Variants in PHACTR1 observed in about 807,000 individuals in gnomAD.
The protein encoded by PHACTR1 is phosphatase and actin regulator 1.
Under a neutral mutation model 69.2 loss-of-function variants are expected in PHACTR1, and 16 were observed. The observed-to-expected ratio is 0.23, with a 90% CI of 0.16 to 0.35. PHACTR1 has a LOEUF of 0.35. Ranked by LOEUF, PHACTR1 falls within the 10% of genes least tolerant of loss-of-function variation. The pLI, the probability that PHACTR1 is intolerant of heterozygous loss-of-function variation, is 1.00. For missense variants in PHACTR1, 510 were observed against 734.7 expected (o/e 0.69, Z 3.54); for synonymous variants, 312 against 284.5 (o/e 1.10, Z -0.97).
chr6:13,276,184 C>T (rs1295610636), intron 11 of PHACTR1: 1 of 151,774 alleles, frequency 6.6e-6, no homozygotes, highest in East Asian at 1.9e-4. Flanking sequence ...GGAAAGCACA[C>T]TCATGGTGAC....
At chr6:12,897,164 C>T (rs532254434) in intron 4 of PHACTR1, among the ~76,000 whole-genome samples, 22 of 152,344 alleles carry the variant, frequency 1.4e-4, no homozygotes, top group South Asian at 6.2e-4. Context: ...CCTCACCACC[C>T]TTGGCTTCTG....
At chr6:13,218,833 AGAGGAG>A (rs543705270) in intron 8 of PHACTR1, among the ~76,000 whole-genome samples, 2 of 142,812 alleles carry the variant, frequency 1.4e-5, no homozygotes, top group African/African-American at 5.4e-5. Flanking sequence ...GAGGAGAAAA[AGAGGAG>A]GAGGAGGAGG....
rs1006194292 is a variant in PHACTR1 at position 13,053,537 on chromosome 6, G to T, written c.415+8G>T. On this transcript the variant is annotated splice_region_variant and intron_variant, in intron 5 of 14. Coordinates refer to ENST00000332995, the MANE Select transcript of PHACTR1 (RefSeq NM_030948.6). ...TCAAACACACGTCAGCAGGTAAGAT[G>T]ATTTGTTCTTTCATTTCCCATTTGG... 1.2e-6 allele frequency: 2 copies of T among 1,611,306 alleles called. No individual in the cohort carries two copies. Among genetic ancestry groups the T allele is most frequent in the African/African-American group, 1.3e-5 (1 of 74,906 alleles).
At chr6:13,066,903 G>A (rs990270952) in intron 5 of PHACTR1, among the ~76,000 whole-genome samples, 2 of 152,130 alleles carry the variant, frequency 1.3e-5, no homozygotes, top group Non-Finnish European at 2.9e-5. Flanking sequence ...TAGTATTACA[G>A]TCACATTATT....
chr6:12,902,580 CAG>C (rs2127484292), intron 4 of PHACTR1, among the ~76,000 whole-genome samples: 1 of 152,290 alleles, frequency 6.6e-6, no homozygotes, highest in East Asian at 1.9e-4. Context: ...CATCAACAAA[CAG>C]TGTCCCAGTT....
At chr6:12,749,847 C>A in intron 4 of PHACTR1, 57 bp downstream of exon 4, 1 of 1,436,116 alleles carries the variant, frequency 7.0e-7, no homozygotes, top group Non-Finnish European at 9.2e-7. Context: ...CCCTCCCCGG[C>A]TGTTGAGCCC....
At chr6:13,086,503 C>T (rs1373338212) in intron 5 of PHACTR1, among the ~76,000 whole-genome samples, 1 of 152,090 alleles carries the variant, frequency 6.6e-6, no homozygotes, top group East Asian at 1.9e-4. Context: ...AACTTTTCTT[C>T]ACCCCTAGGC....
intron 4 of PHACTR1, among the ~76,000 whole-genome samples, chr6:12,874,982 T>C (rs1782393143): frequency 6.6e-6 from 1 of 152,246 alleles, no homozygotes. Context: ...AATCATCTGG[T>C]ATTCAAATGT....
chr6:13,019,066 A>ATT (rs369553785), intron 4 of PHACTR1, among the ~76,000 whole-genome samples: 18,841 of 134,270 alleles, frequency 0.14, 1,588 homozygotes, highest in East Asian at 0.27. Context: ...ATATATATAT[A>ATT]TATATATATT....
intron 4 of PHACTR1, among the ~76,000 whole-genome samples, chr6:12,776,595 T>C (rs1206281698): frequency 2.6e-5 from 4 of 152,240 alleles, no homozygotes; most frequent in Admixed American, 6.5e-5. Flanking sequence ...GAATCAGTTC[T>C]AGTACTCCAT....
In PHACTR1 at chr6:13,018,328, T is replaced by C. The variant is rs554800371; in HGVS notation, c.251-35037T>C. Among the ~76,000 whole-genome samples the C allele has an allele frequency of 1.4e-4, 21 of 152,288 alleles. No individual in the cohort carries two copies. The South Asian group carries it at 3.5e-3, about 26-fold the overall frequency. ...CCTTGAAGAGGGAAGCAGTTTTCAA[T>C]TGGGGTTCACAGCTGAATTCTGGAA... On this transcript the variant is annotated intron_variant, in intron 4 of 14. Coordinates refer to ENST00000332995, the MANE Select transcript of PHACTR1 (RefSeq NM_030948.6).
At chr6:12,753,581 G>A (rs1032598837) in intron 4 of PHACTR1, among the ~76,000 whole-genome samples, 4 of 152,170 alleles carry the variant, frequency 2.6e-5, no homozygotes, top group African/African-American at 9.7e-5. Flanking sequence ...TGATATATCA[G>A]AATTGCTTTG....
chr6:12,835,517 C>T (rs530442281), intron 4 of PHACTR1, among the ~76,000 whole-genome samples: 9 of 152,210 alleles, frequency 5.9e-5, no homozygotes, highest in African/African-American at 2.2e-4. Context: ...TGTACATTGT[C>T]ATTCAAAATT....
chr6:12,758,543 A>AC (rs1767642331), intron 4 of PHACTR1, among the ~76,000 whole-genome samples: 1 of 151,610 alleles, frequency 6.6e-6, no homozygotes, highest in South Asian at 2.1e-4. Flanking sequence ...TCTCACAATG[A>AC]CCCCATCAGA....
intron 12 of PHACTR1, chr6:13,279,751 C>G (rs1021454477): frequency 2.0e-5 from 3 of 152,200 alleles, no homozygotes; most frequent in African/African-American, 7.2e-5. Context: ...AAGGTTGGAC[C>G]CTTTACATCC....
chr6:13,240,050 T>TAAA (rs112143131), intron 10 of PHACTR1, among the ~76,000 whole-genome samples: 4,239 of 145,330 alleles, frequency 0.029, 171 homozygotes, highest in African/African-American at 0.097. Flanking sequence ...AAAGTTTCTT[T>TAAA]AAAAAAAAAA....
At chr6:13,286,316 T>C in intron 14 of PHACTR1, 94 bp downstream of exon 14, 1 of 1,060,824 alleles carries the variant, frequency 9.4e-7, no homozygotes, top group African/African-American at 1.7e-5. Context: ...CATGAGTGGG[T>C]TGGAGGGTGC....
chr6:12,767,134 C>T (rs949648072), intron 4 of PHACTR1, among the ~76,000 whole-genome samples: 5 of 152,156 alleles, frequency 3.3e-5, no homozygotes, highest in Admixed American at 6.5e-5. Context: ...CAACATATTA[C>T]GCAGCATTTC....
chr6:13,215,631 T>TTCGG (rs1289351896), intron 8 of PHACTR1, among the ~76,000 whole-genome samples: 3 of 152,212 alleles, frequency 2.0e-5, no homozygotes, highest in Non-Finnish European at 4.4e-5. Context: ...ACACTGAATA[T>TTCGG]TTTTTAAGAA....
Sources: gnomAD v4.1 joint callset for allele counts (sites outside exome capture counted in the v4.1 genomes callset) on GRCh38, gnomAD v4.1.1 for gene constraint, MANE v1.5 for transcripts, NCBI Gene and HGNC (gene_info 2026-07-23, HGNC 2026-07-21) for gene names.